The following PTK7 variants were observed in gnomAD, a reference collection of about 807,000 sequenced individuals.
PTK7 encodes the protein inactive tyrosine-protein kinase 7.
PTK7 carries 39 observed loss-of-function variants against 116.6 expected under a neutral mutation model. The ratio of observed to expected loss-of-function variants is 0.33; its 90% CI spans 0.26 to 0.44. PTK7 has a LOEUF of 0.44. PTK7 is among the 20% of genes least tolerant of loss of function. The probability of loss-of-function intolerance (pLI) is 1.00; values close to 1 mark genes in which losing one functional copy is unlikely to be tolerated. For missense variants in PTK7, 1,169 were observed against 1,425.6 expected (o/e 0.82, Z 2.90); for synonymous variants, 546 against 563.6 (o/e 0.97, Z 0.44).
At chr6:43,092,501 C>G (rs2150379707) in intron 1 of PTK7, among the ~76,000 whole-genome samples, 1 of 152,276 alleles carries the variant, frequency 6.6e-6, no homozygotes. Context: ...TATATATAGG[C>G]ATAAAACATA....
In PTK7 at chr6:43,130,661, G is replaced by A. The variant is rs751418438; in HGVS notation, c.812G>A (p.Arg271His). 3.1e-6 allele frequency: 5 copies of A among 1,614,112 alleles called. No individual in the cohort carries two copies. The highest frequency in any genetic ancestry group is 3.4e-6 in the Non-Finnish European group (4 of 1,180,010). ...EDETPITNRS[R>H]PPHLRRATVF... ...GAGACTCCCATCACTAACCGCAGTCGGTAAGGCATCTGGCTGGGAGCATTC... is the reference window on the plus strand; with the variant it reads ...GAGACTCCCATCACTAACCGCAGTCAGTAAGGCATCTGGCTGGGAGCATTC... The change falls in exon 5 of 20, where the codon CGC becomes CAC. Residue 271 changes from arginine (R) to histidine (H), a missense_variant and splice_region_variant. Physicochemically the swap from Arg to His is conservative, Grantham distance 29 (BLOSUM62 0). Around this residue, in one of 3 missense-constraint regions of PTK7, gnomAD observed 487 missense variants for 549.8 expected, o/e 0.89. Transcript: ENST00000230419.
chr6:43,139,370 A>G lies in PTK7; in HGVS notation c.1499-36A>G, dbSNP rs746000560. ...GGCCACGGCCTCTCCAGCGGCCCCAATTCCTCGTCTTTCTACCCACCCTCT... is the reference window on the plus strand; with the variant it reads ...GGCCACGGCCTCTCCAGCGGCCCCAGTTCCTCGTCTTTCTACCCACCCTCT... On this transcript the variant is annotated intron_variant, in intron 9 of 19. Coordinates refer to ENST00000230419, the MANE Select transcript of PTK7 (RefSeq NM_002821.5). This position sits in a 1 kb window ranked among gnomAD's most constrained non-coding sequence, Gnocchi z 4.6. The G allele has an allele frequency of 1.4e-5, 22 of 1,613,934 alleles. No individual in the cohort carries two copies. Among genetic ancestry groups the G allele is most frequent in the African/African-American group, 5.3e-5 (4 of 74,924 alleles).
Position 43,129,883 on chromosome 6 carries a change from C to A in PTK7, c.470+54C>A. ...AGGGTTATTCCGGACAGGGATGTCT[C>A]CCCAAATCTTGGACTCTATGCGGAT... On this transcript the variant is annotated intron_variant, in intron 3 of 19. Transcript: ENST00000230419. This position sits in a 1 kb window ranked among gnomAD's most constrained non-coding sequence, Gnocchi z 4.5. The A allele has an allele frequency of 6.5e-7, 1 of 1,544,540 alleles. No individual in the cohort carries two copies. Among genetic ancestry groups the A allele is most frequent in the South Asian group, 1.1e-5 (1 of 88,978 alleles).
Position 43,129,128 on chromosome 6 carries a change from G to A in PTK7, c.231G>A (p.Arg77=), listed in dbSNP as rs769915594. 2 of 1,614,214 alleles carry A rather than the reference G, an allele frequency of 1.2e-6. No homozygotes were observed. The highest frequency in any genetic ancestry group is 1.7e-5 in the Admixed American group (1 of 60,028). The part of the protein sequence containing the change: ...LDGAPVQDTE[R]RFAQGSSLSF... ...GGGCCCCTGTCCAGGACACGGAGCG[G>A]CGTTTCGCCCAGGGCAGCAGCCTGA... The change falls in exon 2 of 20, where the codon CGG becomes CGA. Residue 77 remains arginine (R), a synonymous_variant. Transcript: ENST00000230419. The surrounding 1 kb of genome is among the most constrained non-coding windows in gnomAD (Gnocchi z 4.5).
At chr6:43,101,978 C>A (rs914561843) in intron 1 of PTK7, among the ~76,000 whole-genome samples, 4 of 151,902 alleles carry the variant, frequency 2.6e-5, no homozygotes, top group Non-Finnish European at 4.4e-5. Flanking sequence ...GGCAGATCAT[C>A]TGAGGTCAGG....
At chr6:43,117,718 T>A (rs1457110101) in intron 1 of PTK7, among the ~76,000 whole-genome samples, 2 of 152,082 alleles carry the variant, frequency 1.3e-5, no homozygotes, top group Non-Finnish European at 2.9e-5. Context: ...GGTGGGCAGA[T>A]CACCTGAGAT....
Position 43,083,801 on chromosome 6 carries a change from A to G in PTK7, c.79+7234A>G, listed in dbSNP as rs118028000. ...GATCCCAAGCCCCTGTTAGAAGTGT[A>G]AGCCTTGATAAGCGGGATATGCACT... On this transcript the variant is annotated intron_variant, in intron 1 of 19. Transcript: ENST00000230419. 8.1e-3 allele frequency among the ~76,000 whole-genome samples: 1,237 copies of G among 152,344 alleles called. 57 individuals carry two copies. The highest frequency in any genetic ancestry group is 0.071 in the Admixed American group (1,086 of 15,290).
intron 1 of PTK7, among the ~76,000 whole-genome samples, chr6:43,120,124 G>A (rs992084570): frequency 2.6e-5 from 4 of 152,168 alleles, no homozygotes; most frequent in African/African-American, 4.8e-5. Flanking sequence ...TCTTCCAAGT[G>A]AGAAAACTGA....
intron 1 of PTK7, among the ~76,000 whole-genome samples, chr6:43,120,406 G>C (rs1026268566): frequency 3.9e-5 from 6 of 152,214 alleles, no homozygotes; most frequent in African/African-American, 1.4e-4. Context: ...TTCAGTGCAA[G>C]TGTGTGGCCA....
intron 1 of PTK7, among the ~76,000 whole-genome samples, chr6:43,086,960 A>G (rs944664349): frequency 1.3e-5 from 2 of 152,262 alleles, no homozygotes; most frequent in Non-Finnish European, 1.5e-5. Flanking sequence ...TGAGCAGTGC[A>G]CAACCTGTAC....
intron 1 of PTK7, among the ~76,000 whole-genome samples, chr6:43,117,686 G>A (rs1041398850): frequency 1.3e-5 from 2 of 152,108 alleles, no homozygotes; most frequent in Non-Finnish European, 2.9e-5. Flanking sequence ...CAGGCAGGAG[G>A]CAGAGCACTT....
chr6:43,088,449 C>A (rs922960855), intron 1 of PTK7, among the ~76,000 whole-genome samples: 12 of 152,066 alleles, frequency 7.9e-5, no homozygotes, highest in African/African-American at 2.9e-4. Flanking sequence ...AATCCCAGCA[C>A]TTTGGGAGGC....
chr6:43,146,732 G>A, intron 17 of PTK7, 34 bp downstream of exon 17: 1 of 1,588,932 alleles, frequency 6.3e-7, no homozygotes, highest in South Asian at 1.1e-5. Flanking sequence ...GAGGGAGAGG[G>A]TGCCCAGGGG....
intron 1 of PTK7, among the ~76,000 whole-genome samples, chr6:43,088,690 AAAATAAATAAAT>A (rs57382055): frequency 8.1e-4 from 121 of 149,236 alleles, no homozygotes; most frequent in South Asian, 4.9e-3. Context: ...ACGCCATCTC[AAAATAAATAAAT>A]AAATAAATAA....
intron 1 of PTK7, among the ~76,000 whole-genome samples, chr6:43,111,087 G>A (rs1383215431): frequency 6.6e-6 from 1 of 152,182 alleles, no homozygotes; most frequent in Non-Finnish European, 1.5e-5. Flanking sequence ...TCATGCTGAA[G>A]GTACTTCTGT....
Position 43,152,796 on chromosome 6 carries a change from A to T in PTK7, c.2722-6021A>T, listed in dbSNP as rs1025652740. ...TATGTTATGTTATGTTATGTTATGTATTCTTTAGAGACAGAGTCTTACCCT... is the reference window on the plus strand; with the variant it reads ...TATGTTATGTTATGTTATGTTATGTTTTCTTTAGAGACAGAGTCTTACCCT... On this transcript the variant is annotated intron_variant, in intron 17 of 19. Transcript: ENST00000230419. Among the ~76,000 whole-genome samples, 9 of 115,248 alleles carry T rather than the reference A, an allele frequency of 7.8e-5. No homozygotes were observed. The South Asian group carries it at 8.0e-4, about 10-fold the overall frequency. 75.6% of individuals were successfully genotyped at this position (115,248 alleles called of 152,430 possible).
intron 1 of PTK7, among the ~76,000 whole-genome samples, chr6:43,097,886 C>T (rs904077805): frequency 6.6e-6 from 1 of 152,110 alleles, no homozygotes; most frequent in Non-Finnish European, 1.5e-5. Context: ...GCCTACAACT[C>T]GATGGTAAGG....
At chr6:43,080,049 CAAA>C (rs1173188904) in intron 1 of PTK7, among the ~76,000 whole-genome samples, 5 of 56,822 alleles carry the variant, frequency 8.8e-5, no homozygotes, top group African/African-American at 1.2e-4. Flanking sequence ...TGACAGAGTT[CAAA>C]AAAAAAAAAA....
In PTK7 at chr6:43,129,679, G is replaced by T; in HGVS notation, c.368-48G>T. On this transcript the variant is annotated intron_variant, in intron 2 of 19. Transcript: ENST00000230419. This position sits in a 1 kb window ranked among gnomAD's most constrained non-coding sequence, Gnocchi z 4.5. ...TGTCCTCCTTGCCCTCTGCCTTCCC[G>T]CCTTTGCCCTGCTCTGCCCCTCACT... is the stretch of plus-strand genomic sequence containing the variant. 1 of 1,540,432 alleles carries T rather than the reference G, an allele frequency of 6.5e-7. No homozygotes were observed.
Sources: allele counts gnomAD v4.1 joint callset (sites outside exome capture counted in the v4.1 genomes callset), GRCh38; gene constraint gnomAD v4.1.1; regional missense constraint gnomAD v4.1.1; non-coding constraint Gnocchi (gnomAD v3.1); transcripts MANE v1.5; gene names NCBI Gene and HGNC (gene_info 2026-07-23, HGNC 2026-07-21).